Variants in PCDHA7 observed in about 807,000 individuals in gnomAD.
PCDHA7 encodes the protein protocadherin alpha 7.
A neutral mutation model predicts 57.2 loss-of-function variants in PCDHA7; 37 were observed. The observed-to-expected ratio is 0.65, with a 90% confidence interval of 0.50 to 0.85. PCDHA7 has a LOEUF of 0.85. PCDHA7 is among the 40% of genes least tolerant of loss of function. PCDHA7 has a pLI of 0.00. For missense variants in PCDHA7, 1,188 were observed against 1,241.8 expected, an observed-to-expected ratio of 0.96 and a Z score of 0.65; for synonymous variants, 553 against 558.8, an observed-to-expected ratio of 0.99 and a Z score of 0.15.
At chr5:140,862,451 C>A (rs1554156361) in intron 1 of PCDHA7, 4 of 365,784 alleles carry the variant, frequency 1.1e-5, no homozygotes, top group African/African-American at 2.1e-5. Flanking sequence ...TCCACAGCGC[C>A]CTGGACCAAG....
intron 3 of PCDHA7, among the ~76,000 whole-genome samples, chr5:140,989,709 C>T (rs2097355670): frequency 6.6e-6 from 1 of 152,160 alleles, no homozygotes; most frequent in South Asian, 2.1e-4. Flanking sequence ...TCTTCAGAGG[C>T]AGTCAGCTTT....
rs1276562311 is a variant in PCDHA7, at chr5:140,851,314, C to T, written c.2355+14576C>T. ...AGCAAAAATATATAGCAATTGTTAC[C>T]TTGTTAAGTTTGTAGTTCTCTACAT... On this transcript the variant is annotated intron_variant, in intron 1 of 3. Transcript: ENST00000525929. The T allele has an allele frequency of 2.6e-5, 26 of 997,988 alleles. 4 individuals carry two copies. Among genetic ancestry groups the T allele is most frequent in the Non-Finnish European group, 2.6e-5 (21 of 813,766 alleles). The allele number at this position is 997,988 out of a possible 1,614,324, so 61.8% of individuals were successfully genotyped here.
chr5:140,845,731 C>A (rs1420659203), intron 1 of PCDHA7, among the ~76,000 whole-genome samples: 1 of 149,400 alleles, frequency 6.7e-6, no homozygotes, highest in Non-Finnish European at 1.5e-5. Context: ...AATGTGAATT[C>A]TACTTTATAG....
chr5:140,967,433 C>A, intron 1 of PCDHA7: 1 of 1,613,500 alleles, frequency 6.2e-7, no homozygotes, highest in Non-Finnish European at 8.5e-7. Context: ...GGCAGCCTTG[C>A]ACCACCTGGT....
chr5:140,952,215 C>T (rs2094705548), intron 1 of PCDHA7, among the ~76,000 whole-genome samples: 1 of 152,034 alleles, frequency 6.6e-6, no homozygotes, highest in African/African-American at 2.4e-5. Context: ...GCAGCTTTTC[C>T]AGGCACAGTG....
intron 1 of PCDHA7, chr5:140,868,546 A>T (rs1356639258): frequency 1.3e-5 from 2 of 152,640 alleles, no homozygotes; most frequent in African/African-American, 2.4e-5. Context: ...TTCAAATTTG[A>T]TAGTATTTTT....
intron 3 of PCDHA7, among the ~76,000 whole-genome samples, chr5:140,994,821 T>C (rs2097651680): frequency 6.6e-6 from 1 of 152,052 alleles, no homozygotes. Flanking sequence ...AAAAACTGAA[T>C]TGTGTAGTCT....
rs1337120304 is a variant in PCDHA7, at chr5:140,839,855, G to A, written c.2355+3117G>A. The stretch of plus-strand genomic sequence containing the variant: ...ATGAATCCATGGAGAATTTACTTTT[G>A]AGGTGGACTTTGAAAGATGAATAGA... On this transcript the variant is annotated intron_variant, in intron 1 of 3. Coordinates refer to ENST00000525929, the MANE Select transcript of PCDHA7 (RefSeq NM_018910.3). Among the ~76,000 whole-genome samples, 4 of 151,970 alleles carry A rather than the reference G, an allele frequency of 2.6e-5. 1 individual carries two copies. The highest frequency in any genetic ancestry group is 9.7e-5 in the African/African-American group (4 of 41,328).
At chr5:141,008,211 G>A (rs1032443788) in intron 3 of PCDHA7, among the ~76,000 whole-genome samples, 6 of 152,168 alleles carry the variant, frequency 3.9e-5, no homozygotes, top group Admixed American at 2.0e-4. Context: ...AACTTGACAT[G>A]AGTTATGTTA....
chr5:140,858,392 G>T, intron 1 of PCDHA7: 1 of 1,579,080 alleles, frequency 6.3e-7, no homozygotes, highest in Non-Finnish European at 8.7e-7. Context: ...AATGGTAGAT[G>T]TGGACGGGGA....
At chr5:140,967,956 A>G in intron 1 of PCDHA7, 2 of 1,614,172 alleles carry the variant, frequency 1.2e-6, no homozygotes, top group Middle Eastern at 3.3e-4. Context: ...TCAGGCCCCA[A>G]CCGGAAAGTG....
rs782782390 is a variant in PCDHA7 at position 140,856,337 on chromosome 5, C to T, written c.2355+19599C>T. 2.5e-6 allele frequency: 4 copies of T among 1,598,496 alleles called. 1 individual carries two copies. The Admixed American group carries it at 5.1e-5, about 20-fold the overall frequency. On this transcript the variant is annotated intron_variant, in intron 1 of 3. Transcript: ENST00000525929. ...GATTGACCGCGAGGAGCTGTGCGGG[C>T]GGAGCGTGGAGTGCAGCATCCACCT...
intron 1 of PCDHA7, chr5:140,850,192 T>A (rs2150472322): frequency 6.3e-7 from 1 of 1,593,512 alleles, no homozygotes. Flanking sequence ...CCGGCGCTGC[T>A]GACACCTCGG....
chr5:140,938,944 A>G (rs551824557), intron 1 of PCDHA7, among the ~76,000 whole-genome samples: 2 of 152,236 alleles, frequency 1.3e-5, no homozygotes, highest in South Asian at 2.1e-4. Context: ...TTCCATTCTT[A>G]TAATGCTCTA....
chr5:140,852,883 G>GT, intron 1 of PCDHA7: 1 of 933,168 alleles, frequency 1.1e-6, no homozygotes, highest in Non-Finnish European at 1.3e-6. Context: ...ATCATAAAAC[G>GT]TATTTTTTTT....
At chr5:140,904,440 A>G (rs1455600144) in intron 1 of PCDHA7, among the ~76,000 whole-genome samples, 1 of 151,204 alleles carries the variant, frequency 6.6e-6, no homozygotes, top group Non-Finnish European at 1.5e-5. Flanking sequence ...TATGTATATT[A>G]CAATTTCTTT....
intron 1 of PCDHA7, chr5:140,884,619 A>G (rs782146160): frequency 3.1e-6 from 5 of 1,614,074 alleles, no homozygotes; most frequent in Non-Finnish European, 4.2e-6. Context: ...GGTTCTGCAG[A>G]GGGAACAGGC....
chr5:140,885,603 T>G (rs2060651521), intron 1 of PCDHA7, among the ~76,000 whole-genome samples: 1 of 152,202 alleles, frequency 6.6e-6, no homozygotes, highest in South Asian at 2.1e-4. Context: ...ATATTAATAA[T>G]TTTAATTATA....
chr5:140,869,434 G>A, intron 1 of PCDHA7: 1 of 1,614,218 alleles, frequency 6.2e-7, no homozygotes, highest in Non-Finnish European at 8.5e-7. Flanking sequence ...GGTGATCGTG[G>A]ACAGGCCGCT....
Sources: allele counts gnomAD v4.1 joint callset (sites outside exome capture counted in the v4.1 genomes callset), GRCh38; gene constraint gnomAD v4.1.1; transcripts MANE v1.5; gene names NCBI Gene and HGNC (gene_info 2026-07-23, HGNC 2026-07-21).